Variants in PTPRD observed in about 807,000 individuals in gnomAD.
The protein encoded by PTPRD is protein tyrosine phosphatase receptor type D, also known as receptor-type tyrosine-protein phosphatase delta.
PTPRD carries 34 observed loss-of-function variants against 214.5 expected under a neutral mutation model. The observed-to-expected ratio is 0.16, with a 90% CI of 0.12 to 0.21. The LOEUF is 0.21. Among genes scored for constraint, PTPRD ranks in the 10% least tolerant of loss-of-function variants. The pLI is 1.00. For missense variants in PTPRD, 2,545 were observed against 2,398.7 expected (o/e 1.06, Z -1.27); for synonymous variants, 1,128 against 845.7 (o/e 1.33, Z -5.79).
At chr9:9,083,061 C>T (rs1380403294) in intron 10 of PTPRD, among the ~76,000 whole-genome samples, 1 of 152,114 alleles carries the variant, frequency 6.6e-6, no homozygotes, top group Non-Finnish European at 1.5e-5. Context: ...CCTTAAATTT[C>T]ATATGGAACC....
chr9:8,639,120 C>T (rs1419761754), intron 12 of PTPRD, among the ~76,000 whole-genome samples: 5 of 152,140 alleles, frequency 3.3e-5, no homozygotes, highest in South Asian at 2.1e-4. Context: ...GGATTACAGG[C>T]GTGAGCCACC....
chr9:8,554,752 G>C (rs1353112327), intron 14 of PTPRD, among the ~76,000 whole-genome samples: 1 of 152,148 alleles, frequency 6.6e-6, no homozygotes, highest in Non-Finnish European at 1.5e-5. Context: ...TTGACCTGTT[G>C]GTCCAAGCAC....
At chr9:9,176,651 T>C (rs149495913) in intron 10 of PTPRD, among the ~76,000 whole-genome samples, 318 of 152,262 alleles carry the variant, frequency 2.1e-3, no homozygotes, top group African/African-American at 7.5e-3. Flanking sequence ...CATGCTGTTA[T>C]AGTAGAAGTG....
At chr9:10,411,636 A>G (rs2098437133) in intron 2 of PTPRD, among the ~76,000 whole-genome samples, 1 of 151,816 alleles carries the variant, frequency 6.6e-6, no homozygotes, top group Non-Finnish European at 1.5e-5. Flanking sequence ...CAAACAGGTA[A>G]TAAACAAATT....
chr9:8,492,368 C>T (rs748277416), intron 27 of PTPRD, among the ~76,000 whole-genome samples: 1 of 152,136 alleles, frequency 6.6e-6, no homozygotes, highest in Non-Finnish European at 1.5e-5. Flanking sequence ...ATTTGAGTCT[C>T]GACTTAAATA....
chr9:10,408,930 T>C (rs1053056550), intron 2 of PTPRD, among the ~76,000 whole-genome samples: 3 of 151,780 alleles, frequency 2.0e-5, no homozygotes, highest in Non-Finnish European at 4.4e-5. Context: ...TAAAGTGCTT[T>C]GACTATAAAC....
chr9:10,141,435 C>T (rs2098984227), intron 3 of PTPRD, among the ~76,000 whole-genome samples: 1 of 152,022 alleles, frequency 6.6e-6, no homozygotes, highest in African/African-American at 2.4e-5. Context: ...ACAAAAATCA[C>T]AAGCACTCTT....
At chr9:9,096,261 G>C (rs142785305) in intron 10 of PTPRD, among the ~76,000 whole-genome samples, 2 of 152,126 alleles carry the variant, frequency 1.3e-5, no homozygotes, top group African/African-American at 4.8e-5. Flanking sequence ...TGAGTTGCTG[G>C]ATATGTTAAT....
At chr9:8,498,688 G>A (rs1016238027) in intron 25 of PTPRD, among the ~76,000 whole-genome samples, 1 of 152,058 alleles carries the variant, frequency 6.6e-6, no homozygotes, top group Non-Finnish European at 1.5e-5. Context: ...CAATTTCTTG[G>A]ATAATGAAAG....
chr9:8,507,259 C>A lies in PTPRD; in HGVS notation c.1677+42G>T, dbSNP rs201087174. 12 of 1,588,294 alleles carry A rather than the reference C, an allele frequency of 7.6e-6. No individual in the cohort carries two copies. In the Admixed American group the frequency reaches 2.2e-4, roughly 28 times the overall value. Reference sequence around the variant, plus strand: ...ACACAAAAATAAAAAAGTGGCCCCACGTAATGAATAATTCCCAAGGTGAGA... The same window carrying A: ...ACACAAAAATAAAAAAGTGGCCCCAAGTAATGAATAATTCCCAAGGTGAGA... On this transcript the variant is annotated intron_variant, in intron 22 of 45. Coordinates refer to ENST00000381196, the MANE Select transcript of PTPRD (RefSeq NM_002839.4).
intron 9 of PTPRD, among the ~76,000 whole-genome samples, chr9:9,338,708 A>G (rs1280365385): frequency 6.6e-6 from 1 of 152,120 alleles, no homozygotes; most frequent in African/African-American, 2.4e-5. Context: ...CTTTTCTATT[A>G]TACTTTAAAG....
chr9:9,749,778 T>C (rs1318313915), intron 6 of PTPRD, among the ~76,000 whole-genome samples: 5 of 152,168 alleles, frequency 3.3e-5, no homozygotes, highest in African/African-American at 9.7e-5. Context: ...AGGAGTATAG[T>C]TATTAGAACA....
At chr9:9,441,175 G>A (rs529511994) in intron 8 of PTPRD, among the ~76,000 whole-genome samples, 1 of 152,114 alleles carries the variant, frequency 6.6e-6, no homozygotes, top group Non-Finnish European at 1.5e-5. Context: ...GCTATCAACT[G>A]AGCACTACCT....
intron 3 of PTPRD, among the ~76,000 whole-genome samples, chr9:10,166,049 A>T (rs2099157042): frequency 6.7e-6 from 1 of 149,876 alleles, no homozygotes. Context: ...TTATATATAC[A>T]TGTATGCATA....
At chr9:9,104,028 C>T (rs898557299) in intron 10 of PTPRD, among the ~76,000 whole-genome samples, 1 of 152,074 alleles carries the variant, frequency 6.6e-6, no homozygotes, top group Admixed American at 6.6e-5. Context: ...TTCTTCCAAA[C>T]ACACAGTAAT....
chr9:8,975,452 A>C (rs2099263073), intron 11 of PTPRD, among the ~76,000 whole-genome samples: 2 of 152,074 alleles, frequency 1.3e-5, no homozygotes, highest in African/African-American at 4.8e-5. Context: ...ATGTACATAT[A>C]ATTACAAAAG....
At chr9:10,036,583 A>T (rs1375932448) in intron 3 of PTPRD, among the ~76,000 whole-genome samples, 5 of 150,820 alleles carry the variant, frequency 3.3e-5, no homozygotes, top group Non-Finnish European at 7.4e-5. Context: ...TTTTTATTTT[A>T]TTTCATTTTA....
intron 11 of PTPRD, among the ~76,000 whole-genome samples, chr9:8,783,728 C>A (rs2154495542): frequency 6.6e-6 from 1 of 152,248 alleles, no homozygotes; most frequent in East Asian, 1.9e-4. Context: ...TTCAATATTG[C>A]AGTACTGGTC....
intron 33 of PTPRD, among the ~76,000 whole-genome samples, chr9:8,457,126 T>G (rs2096238006): frequency 6.6e-6 from 1 of 152,140 alleles, no homozygotes; most frequent in African/African-American, 2.4e-5. Context: ...TAGCGCATTA[T>G]GATTAAAAAG....
Sources: gnomAD v4.1 joint callset for allele counts (sites outside exome capture counted in the v4.1 genomes callset) on GRCh38, gnomAD v4.1.1 for gene constraint, MANE v1.5 for transcripts, NCBI Gene and HGNC (gene_info 2026-07-23, HGNC 2026-07-21) for gene names.